The following ERBB4 variants were observed in gnomAD, a reference collection of about 807,000 sequenced individuals.
The protein encoded by ERBB4 is erb-b2 receptor tyrosine kinase 4.
A neutral mutation model predicts 158.0 loss-of-function variants in ERBB4; 42 were observed. The observed-to-expected ratio is 0.27, with a 90% CI of 0.21 to 0.34. The LOEUF (loss-of-function observed/expected upper bound fraction) is 0.34. Among genes scored for constraint, ERBB4 ranks in the 10% least tolerant of loss-of-function variants. ERBB4 has a pLI of 1.00. For missense variants in ERBB4, 1,333 were observed against 1,624.1 expected (o/e 0.82, Z 3.08); for synonymous variants, 583 against 558.7 (o/e 1.04, Z -0.61).
chr2:212,388,868 T>G (rs1462926325), intron 1 of ERBB4, among the ~76,000 whole-genome samples: 1 of 152,116 alleles, frequency 6.6e-6, no homozygotes, highest in Non-Finnish European at 1.5e-5. Context: ...TTTCAAAATA[T>G]TAGATGGCTG....
At chr2:212,296,224 A>T (rs1313289726) in intron 1 of ERBB4, among the ~76,000 whole-genome samples, 1 of 151,974 alleles carries the variant, frequency 6.6e-6, no homozygotes, top group Admixed American at 6.6e-5. Flanking sequence ...TGAAGACTGA[A>T]GCATGAGAGA....
rs2067404679 is a variant in ERBB4, at chr2:211,561,932, G to A, written c.2458C>T (p.Leu820=). 6.2e-7 allele frequency: 1 copy of A among 1,613,988 alleles called. No homozygotes were observed. Among genetic ancestry groups the A allele is most frequent in the Admixed American group, 1.7e-5 (1 of 60,004 alleles). ...GCTATCTGGACACACCAGTTAAGCA[G>A]CAGTTGTGATCCAATGTTATCCTTG... ...EHKDNIGSQL[L]LNWCVQIAKG... Residue 820 remains leucine (L), a synonymous_variant, in exon 20 of 28, where the codon CTG becomes TTG. Coordinates refer to ENST00000342788, the MANE Select transcript of ERBB4 (RefSeq NM_005235.3).
chr2:211,862,790 G>A (rs939259757), intron 3 of ERBB4, among the ~76,000 whole-genome samples: 5 of 152,204 alleles, frequency 3.3e-5, no homozygotes, highest in African/African-American at 9.6e-5. Flanking sequence ...TACCATAAAA[G>A]GAATTGTGCT....
chr2:212,114,683 A>C (rs2079520453), intron 2 of ERBB4, among the ~76,000 whole-genome samples: 1 of 152,166 alleles, frequency 6.6e-6, no homozygotes, highest in Non-Finnish European at 1.5e-5. Flanking sequence ...CTGCGAAATG[A>C]TGTTGAAACA....
chr2:211,635,156 T>C (rs1478222941), intron 16 of ERBB4, among the ~76,000 whole-genome samples: 1 of 152,152 alleles, frequency 6.6e-6, no homozygotes, highest in Admixed American at 6.5e-5. Flanking sequence ...CCCCCTAAAG[T>C]ATAAATTTCT....
chr2:212,327,834 A>AT (rs1342445851), intron 1 of ERBB4, among the ~76,000 whole-genome samples: 1 of 140,366 alleles, frequency 7.1e-6, no homozygotes, highest in Non-Finnish European at 1.5e-5. Context: ...AAAAGCATAG[A>AT]TTTTATATGT....
intron 19 of ERBB4, among the ~76,000 whole-genome samples, chr2:211,617,409 G>C (rs1173317213): frequency 6.6e-6 from 1 of 152,014 alleles, no homozygotes; most frequent in African/African-American, 2.4e-5. Flanking sequence ...ACTGAAAAAG[G>C]CTTCAGTTTT....
At chr2:212,360,078 G>A (rs1301133627) in intron 1 of ERBB4, among the ~76,000 whole-genome samples, 2 of 151,670 alleles carry the variant, frequency 1.3e-5, no homozygotes, top group Non-Finnish European at 3.0e-5. Flanking sequence ...TCAGCACTGT[G>A]TTTGTAAAGG....
intron 16 of ERBB4, among the ~76,000 whole-genome samples, chr2:211,647,945 C>G (rs1274671838): frequency 6.6e-6 from 1 of 151,648 alleles, no homozygotes; most frequent in African/African-American, 2.4e-5. Context: ...CGTACTATAC[C>G]TTTCTCTTCT....
chr2:211,944,285 C>T (rs1271825116), intron 3 of ERBB4, among the ~76,000 whole-genome samples: 1 of 148,046 alleles, frequency 6.8e-6, no homozygotes, highest in East Asian at 2.0e-4. Flanking sequence ...ACTCTGTACA[C>T]TTCCCATCCC....
chr2:211,683,742 G>GT (rs34673905), intron 12 of ERBB4, among the ~76,000 whole-genome samples: 79,532 of 144,708 alleles, frequency 0.55, 22,148 homozygotes, highest in Middle Eastern at 0.63. Context: ...TTTAGTCAGG[G>GT]TTTTTTTTTT....
intron 1 of ERBB4, among the ~76,000 whole-genome samples, chr2:212,341,647 T>C (rs943587308): frequency 6.6e-5 from 10 of 152,268 alleles, no homozygotes; most frequent in African/African-American, 1.7e-4. Context: ...AAAAGCCTAA[T>C]ATATGTCCCA....
intron 20 of ERBB4, among the ~76,000 whole-genome samples, chr2:211,503,153 G>A (rs763532806): frequency 7.2e-5 from 11 of 152,140 alleles, no homozygotes; most frequent in African/African-American, 2.2e-4. Flanking sequence ...CACCACCCTC[G>A]CAGACCTTTG....
chr2:212,343,537 A>C (rs2088827865), intron 1 of ERBB4, among the ~76,000 whole-genome samples: 1 of 152,178 alleles, frequency 6.6e-6, no homozygotes, highest in Non-Finnish European at 1.5e-5. Context: ...AACGGGATTT[A>C]CTGAACAGGA....
intron 13 of ERBB4, among the ~76,000 whole-genome samples, chr2:211,675,252 C>A (rs1253864228): frequency 6.6e-6 from 1 of 152,058 alleles, no homozygotes; most frequent in African/African-American, 2.4e-5. Flanking sequence ...ACATTTCTCA[C>A]AGTTTTGTTG....
At chr2:211,620,178 C>T (rs1170206573) in intron 18 of ERBB4, among the ~76,000 whole-genome samples, 2 of 151,794 alleles carry the variant, frequency 1.3e-5, no homozygotes, top group African/African-American at 4.8e-5. Context: ...GTGTATTTTC[C>T]CAAATGAACG....
At chr2:212,292,122 C>G (rs1448385016) in intron 1 of ERBB4, among the ~76,000 whole-genome samples, 1 of 151,832 alleles carries the variant, frequency 6.6e-6, no homozygotes, top group Admixed American at 6.6e-5. Flanking sequence ...ATTTTTAAGT[C>G]AGAAAATCCA....
chr2:211,550,574 A>AAT (rs376362405), intron 20 of ERBB4, among the ~76,000 whole-genome samples: 16,620 of 136,746 alleles, frequency 0.12, 1,331 homozygotes, highest in African/African-American at 0.24. Context: ...CATTCCTTAG[A>AAT]ATATATATAT....
intron 1 of ERBB4, among the ~76,000 whole-genome samples, chr2:212,313,871 G>T (rs1041182063): frequency 6.6e-6 from 1 of 150,976 alleles, no homozygotes; most frequent in South Asian, 2.1e-4. Flanking sequence ...GAATCATCAA[G>T]GTGTTAAATG....
Sources: allele counts gnomAD v4.1 joint callset (sites outside exome capture counted in the v4.1 genomes callset), GRCh38; gene constraint gnomAD v4.1.1; transcripts MANE v1.5; gene names NCBI Gene and HGNC (gene_info 2026-07-23, HGNC 2026-07-21).